The following C11orf65 variants were observed in gnomAD, a reference collection of about 807,000 sequenced individuals.
C11orf65 encodes chromosome 11 open reading frame 65, also known as protein MFI.
Under a neutral mutation model 35.3 loss-of-function variants are expected in C11orf65, and 38 were observed. The observed-to-expected ratio is 1.08, with a 90% CI of 0.83 to 1.41. The LOEUF (loss-of-function observed/expected upper bound fraction) is 1.41. Among genes scored for constraint, C11orf65 ranks in the 40% most tolerant of loss-of-function variants. The pLI is 0.00. For synonymous variants in C11orf65, 105 were observed against 114.4 expected (o/e 0.92, Z 0.53); for missense variants, 370 against 367.1 (o/e 1.01, Z -0.06).
At chr11:108,414,476 C>A (rs1168023363) in intron 3 of C11orf65, among the ~76,000 whole-genome samples, 1 of 151,806 alleles carries the variant, frequency 6.6e-6, no homozygotes, top group Non-Finnish European at 1.5e-5. Context: ...ATGAAAGAGA[C>A]CAATTCCCTA....
chr11:108,444,267 C>T (rs1291506917), intron 2 of C11orf65, among the ~76,000 whole-genome samples: 3 of 151,866 alleles, frequency 2.0e-5, no homozygotes, highest in Non-Finnish European at 4.4e-5. Flanking sequence ...AAGACTAAAC[C>T]ATGAAGATGA....
At chr11:108,407,006 A>G (rs762104139) in intron 4 of C11orf65, 43 bp from the exon 5 acceptor site, 1 of 1,568,268 alleles carries the variant, frequency 6.4e-7, no homozygotes, top group Non-Finnish European at 8.8e-7. Context: ...ATGTAACTAC[A>G]AAAATGTTTT....
At chr11:108,387,144 CTTTCTTTTTTT>C (rs1233752336) in intron 7 of C11orf65, among the ~76,000 whole-genome samples, 1 of 101,054 alleles carries the variant, frequency 9.9e-6, no homozygotes, top group African/African-American at 3.3e-5. Flanking sequence ...TCTTTTCTTT[CTTTCTTTTTTT>C]TTTTTTTTTT....
chr11:108,327,687 G>A (rs876659429), downstream of C11orf65: 6 of 1,614,020 alleles, frequency 3.7e-6, no homozygotes, highest in Non-Finnish European at 4.2e-6. Flanking sequence ...ATGTCTGAGG[G>A]TTTGTGGCAA....
chr11:108,373,483 C>G (rs1412962125), intron 2 of C11orf65, among the ~76,000 whole-genome samples: 1 of 152,134 alleles, frequency 6.6e-6, no homozygotes, highest in Non-Finnish European at 1.5e-5. Context: ...CCTAGCCATG[C>G]AGTAATGTAA....
chr11:108,359,450 T>TA (rs1349667833), intron 2 of C11orf65, among the ~76,000 whole-genome samples: 1 of 152,062 alleles, frequency 6.6e-6, no homozygotes, highest in African/African-American at 2.4e-5. Flanking sequence ...GCGGACCTAA[T>TA]AGACATCTAC....
intron 2 of C11orf65, among the ~76,000 whole-genome samples, chr11:108,435,860 T>A (rs927324534): frequency 1.3e-5 from 2 of 152,166 alleles, no homozygotes; most frequent in African/African-American, 4.8e-5. Context: ...TCACACCTAA[T>A]CCCTGTAATC....
chr11:108,341,441 C>T (rs994272113), intron 2 of C11orf65, among the ~76,000 whole-genome samples: 1 of 152,070 alleles, frequency 6.6e-6, no homozygotes, highest in Non-Finnish European at 1.5e-5. Flanking sequence ...CAGAATGAAA[C>T]TTTATGAGGG....
At chr11:108,406,734 G>T (rs368937401) in intron 5 of C11orf65, 29 bp downstream of exon 5, 8 of 1,443,472 alleles carry the variant, frequency 5.5e-6, no homozygotes, top group African/African-American at 2.8e-5. Flanking sequence ...AATACGTAAG[G>T]TTAAAAATTA....
chr11:108,418,188 T>C (rs997652943), intron 3 of C11orf65, among the ~76,000 whole-genome samples: 18 of 152,182 alleles, frequency 1.2e-4, no homozygotes, highest in South Asian at 2.1e-4. Context: ...CAGTAACTGA[T>C]AGTATAACTA....
At chr11:108,321,569 G>A in intron 6 of C11orf65, 2 of 1,197,750 alleles carry the variant, frequency 1.7e-6, no homozygotes, top group Non-Finnish European at 2.4e-6. Context: ...GATCACTTGA[G>A]GTCAGGAGTT....
intron 3 of C11orf65, chr11:108,333,052 G>T: frequency 1.1e-6 from 1 of 938,824 alleles, no homozygotes; most frequent in Non-Finnish European, 1.6e-6. Flanking sequence ...GCATTCCCTG[G>T]TTACTTTTTC....
intron 6 of C11orf65, among the ~76,000 whole-genome samples, chr11:108,394,744 G>C (rs1484485563): frequency 1.3e-5 from 2 of 152,142 alleles, no homozygotes; most frequent in Non-Finnish European, 2.9e-5. Context: ...GCAAGACTCT[G>C]GTATCGAATT....
intron 2 of C11orf65, among the ~76,000 whole-genome samples, chr11:108,435,434 G>A (rs1214640711): frequency 1.3e-5 from 2 of 152,142 alleles, no homozygotes; most frequent in African/African-American, 4.8e-5. Flanking sequence ...TAGAATTCAG[G>A]AGAACTTTTG....
chr11:108,440,256 G>T (rs2093129786), intron 2 of C11orf65, among the ~76,000 whole-genome samples: 1 of 152,170 alleles, frequency 6.6e-6, no homozygotes, highest in African/African-American at 2.4e-5. Flanking sequence ...ATCTATTACT[G>T]TGTAGTAAAG....
intron 2 of C11orf65, among the ~76,000 whole-genome samples, chr11:108,356,576 A>G (rs933442035): frequency 2.0e-5 from 3 of 151,580 alleles, no homozygotes; most frequent in African/African-American, 7.3e-5. Context: ...AACTTTTCAA[A>G]TTAAAGAGTC....
chr11:108,357,030 G>A (rs2090037672), intron 2 of C11orf65, among the ~76,000 whole-genome samples: 1 of 152,226 alleles, frequency 6.6e-6, no homozygotes, highest in African/African-American at 2.4e-5. Flanking sequence ...TCCATCTGAG[G>A]TACCAGGTTC....
At chr11:108,308,928 G>A (rs1397438343) in exon 7 of C11orf65, 4 of 1,165,364 alleles carry the variant, frequency 3.4e-6, no homozygotes, top group Non-Finnish European at 3.7e-6. Context: ...TTGTTTTCTT[G>A]GTGTTGGGAG....
At chr11:108,365,667 C>A in intron 2 of C11orf65, 1 of 904,350 alleles carries the variant, frequency 1.1e-6, no homozygotes, top group Non-Finnish European at 1.6e-6. Flanking sequence ...AATCACCACT[C>A]AAAAATGTTT....
Sources: gnomAD v4.1 joint callset for allele counts (sites outside exome capture counted in the v4.1 genomes callset) on GRCh38, gnomAD v4.1.1 for gene constraint, MANE v1.5 for transcripts, NCBI Gene and HGNC (gene_info 2026-07-23, HGNC 2026-07-21) for gene names.